Variants in PSMG2 observed in about 807,000 individuals in gnomAD.
PSMG2 encodes the protein CD40 ligand-activated specific transcript 3.
In PSMG2, 21 loss-of-function variants were observed where a neutral mutation model predicts 31.5. The observed-to-expected ratio is 0.67, with a 90% CI of 0.47 to 0.96. The LOEUF is 0.96. Ranked by LOEUF, PSMG2 falls within the 40% of genes least tolerant of loss-of-function variation. The pLI is 0.00. For synonymous variants in PSMG2, 120 were observed against 110.4 expected, an observed-to-expected ratio of 1.09 and a Z score of -0.54; for missense variants, 318 against 321.2, an observed-to-expected ratio of 0.99 and a Z score of 0.08.
chr18:12,672,632 T>C (rs1392498683), intron 1 of PSMG2: 1 of 981,896 alleles, frequency 1.0e-6, no homozygotes, highest in African/African-American at 1.8e-5. Context: ...AAATCAGTGA[T>C]CGACTGCAAG....
chr18:12,697,355 T>G, intron 1 of PSMG2: 1 of 1,613,744 alleles, frequency 6.2e-7, no homozygotes, highest in Non-Finnish European at 8.5e-7. Context: ...ACCATATGAA[T>G]TGGATCACTT....
chr18:12,671,779 T>C (rs2038953699), intron 1 of PSMG2, among the ~76,000 whole-genome samples: 1 of 151,996 alleles, frequency 6.6e-6, no homozygotes, highest in Admixed American at 6.6e-5. Context: ...TAGCTTGGAT[T>C]ATGGGTGTGT....
At chr18:12,662,025 A>C in intron 1 of PSMG2, 1 of 272,950 alleles carries the variant, frequency 3.7e-6, no homozygotes, top group South Asian at 3.3e-5. Context: ...TTTACTTCTT[A>C]TTCTTGTAGA....
intron 6 of PSMG2, 47 bp downstream of exon 6, chr18:12,724,666 A>G: frequency 6.6e-7 from 1 of 1,516,392 alleles, no homozygotes; most frequent in Admixed American, 2.2e-5. Flanking sequence ...GGTTGTATTC[A>G]TTAACTCGCA....
upstream of PSMG2, chr18:12,699,699 G>C (rs966880667): frequency 1.7e-6 from 1 of 576,564 alleles, no homozygotes; most frequent in African/African-American, 1.9e-5. Context: ...ATCTGTTTTA[G>C]CCAACCATAA....
chr18:12,686,114 C>A (rs1189900847), intron 1 of PSMG2: 3 of 500,916 alleles, frequency 6.0e-6, no homozygotes, highest in Non-Finnish European at 1.0e-5. Context: ...TTTTGATCTG[C>A]AGTTGGTTGA....
At chr18:12,715,582 T>A (rs2040368772) in intron 3 of PSMG2, among the ~76,000 whole-genome samples, 1 of 152,072 alleles carries the variant, frequency 6.6e-6, no homozygotes, top group Non-Finnish European at 1.5e-5. Context: ...CTCAGGTCAC[T>A]GCAACCTCCG....
intron 1 of PSMG2, among the ~76,000 whole-genome samples, chr18:12,696,936 T>G (rs1372228444): frequency 6.8e-6 from 1 of 147,886 alleles, no homozygotes; most frequent in Non-Finnish European, 1.5e-5. Context: ...TAGCCTTATA[T>G]TTAATCAAAT....
chr18:12,691,633 A>G (rs1568026379), intron 1 of PSMG2: 1 of 557,228 alleles, frequency 1.8e-6, no homozygotes, highest in Non-Finnish European at 3.1e-6. Flanking sequence ...TGACTTCCCT[A>G]TTTCTACACT....
At chr18:12,719,946 A>G (rs866682668) in intron 4 of PSMG2, among the ~76,000 whole-genome samples, 2 of 150,560 alleles carry the variant, frequency 1.3e-5, no homozygotes, top group Non-Finnish European at 3.0e-5. Context: ...CGAACTCCTG[A>G]CCTCAGGTGA....
intron 3 of PSMG2, among the ~76,000 whole-genome samples, chr18:12,713,181 CCTGA>C (rs2040347237): frequency 6.6e-6 from 1 of 152,144 alleles, no homozygotes; most frequent in Admixed American, 6.6e-5. Context: ...TCTTCATGCC[CCTGA>C]CTAACTTGCT....
At chr18:12,674,578 A>G (rs1321233500) in intron 1 of PSMG2, 6 of 1,614,016 alleles carry the variant, frequency 3.7e-6, no homozygotes, top group Admixed American at 1.7e-5. Flanking sequence ...TCTATACACA[A>G]AATGTATTGG....
intron 6 of PSMG2, 111 bp from the exon 7 acceptor site, chr18:12,725,326 GGC>G: frequency 1.4e-6 from 1 of 729,070 alleles, no homozygotes; most frequent in South Asian, 2.5e-5. Flanking sequence ...AATAAAACCT[GGC>G]TATAAAAGTG....
intron 1 of PSMG2, chr18:12,680,616 AAC>A (rs1491400593): frequency 4.2e-4 from 569 of 1,351,494 alleles, no homozygotes; most frequent in Middle Eastern, 1.1e-3. Flanking sequence ...AAAAAAAAAA[AAC>A]TTATAACTTC....
intron 1 of PSMG2, chr18:12,679,200 G>C (rs2145007490): frequency 6.6e-6 from 1 of 152,292 alleles, no homozygotes; most frequent in Non-Finnish European, 1.5e-5. Context: ...AAGAAGCTAA[G>C]GAAAGAGAAT....
In PSMG2 at chr18:12,725,564, C is replaced by T. The variant is rs1568047310; in HGVS notation, c.*33C>T. On this transcript the variant is annotated 3_prime_UTR_variant, in exon 7 of 7. Transcript: ENST00000317615. ...TCTGTTTTATACCTTATACCCAAAACACTTACTACCAACACAGCTGTTAAA... is the reference window on the plus strand; with the variant it reads ...TCTGTTTTATACCTTATACCCAAAATACTTACTACCAACACAGCTGTTAAA... 3 of 1,466,264 alleles carry T rather than the reference C, an allele frequency of 2.0e-6. No individual in the cohort carries two copies. Among genetic ancestry groups the T allele is most frequent in the Non-Finnish European group, 2.8e-6 (3 of 1,054,654 alleles). 90.8% of individuals were successfully genotyped at this position (1,466,264 alleles called of 1,614,324 possible).
At chr18:12,705,212 GCAC>G (rs1440668869) in intron 1 of PSMG2, among the ~76,000 whole-genome samples, 2 of 151,998 alleles carry the variant, frequency 1.3e-5, no homozygotes, top group Non-Finnish European at 2.9e-5. Flanking sequence ...TTATAGGCAT[GCAC>G]CACCACGCCC....
At chr18:12,724,948 A>G in intron 6 of PSMG2, 1 of 351,240 alleles carries the variant, frequency 2.8e-6, no homozygotes, top group Non-Finnish European at 5.0e-6. Flanking sequence ...TTTTTTAGGG[A>G]AGTAAAAAGT....
chr18:12,678,653 C>T (rs1385932087), intron 1 of PSMG2, among the ~76,000 whole-genome samples: 1 of 152,024 alleles, frequency 6.6e-6, no homozygotes, highest in Admixed American at 6.6e-5. Flanking sequence ...CTGTTAACAA[C>T]AGAATACATT....
Sources: gnomAD v4.1 joint callset for allele counts (sites outside exome capture counted in the v4.1 genomes callset) on GRCh38, gnomAD v4.1.1 for gene constraint, MANE v1.5 for transcripts, NCBI Gene and HGNC (gene_info 2026-07-23, HGNC 2026-07-21) for gene names.